Variants in TSC22D3 observed in about 807,000 individuals in gnomAD.
The protein encoded by TSC22D3 is TSC22 domain family member 3.
In TSC22D3, 4 loss-of-function variants were observed where a neutral mutation model predicts 11.1. The observed-to-expected ratio is 0.36, with a 90% CI of 0.18 to 0.83. TSC22D3 has a LOEUF of 0.83. Ranked by LOEUF, TSC22D3 falls within the 40% of genes least tolerant of loss-of-function variation. The pLI is 0.48. For missense variants in TSC22D3, 118 were observed against 159.4 expected (o/e 0.74, Z 1.40); for synonymous variants, 77 against 70.3 (o/e 1.10, Z -0.48).
intron 1 of TSC22D3, among the ~76,000 whole-genome samples, chrX:107,751,694 C>T (rs1928941473): frequency 8.9e-6 from 1 of 112,434 alleles, no homozygotes; most frequent in Non-Finnish European, 1.9e-5. Context: ...AATTCAGCTA[C>T]TGCTCTGCAG....
chrX:107,716,088 GAC>G (rs1240961494), intron 1 of TSC22D3, 138 bp from the exon 2 acceptor site: 65 of 746,337 alleles, frequency 8.7e-5, no homozygotes, highest in Middle Eastern at 4.6e-4. Context: ...CAGAGTTCCG[GAC>G]AGTTTGTCCC....
chrX:107,715,914 CTTG>C lies in TSC22D3; in HGVS notation c.354_356del (p.Asn118del), dbSNP rs1926993108. On this transcript the variant is annotated inframe_deletion, in exon 2 of 3. Coordinates refer to ENST00000372383, the MANE Select transcript of TSC22D3 (RefSeq NM_198057.3). ...TGCCACTCACCATGGCCTGTTCGATCTTGTTGTCTATGGCCACCACGCTGGCTC... is the reference window on the plus strand; with the variant it reads ...TGCCACTCACCATGGCCTGTTCGATCTTGTCTATGGCCACCACGCTGGCTC... 3.3e-6 allele frequency: 4 copies of C among 1,211,426 alleles called. No homozygotes were observed. Among genetic ancestry groups the C allele is most frequent in the African/African-American group, 1.7e-5 (1 of 57,823 alleles).
At chrX:107,769,461 G>A (rs1409895098) in intron 1 of TSC22D3, among the ~76,000 whole-genome samples, 1 of 111,392 alleles carries the variant, frequency 9.0e-6, no homozygotes, top group Non-Finnish European at 1.9e-5. Context: ...GTAGAATAGA[G>A]GTTACCAGGG....
chrX:107,748,915 A>C (rs138958893), intron 1 of TSC22D3, among the ~76,000 whole-genome samples: 1,930 of 111,958 alleles, frequency 0.017, 42 homozygotes, highest in African/African-American at 0.059. Context: ...TACCATCTTA[A>C]TTGGGTAAAG....
intron 1 of TSC22D3, among the ~76,000 whole-genome samples, chrX:107,750,448 A>G (rs1928885604): frequency 9.0e-6 from 1 of 111,290 alleles, no homozygotes; most frequent in African/African-American, 3.3e-5. Flanking sequence ...TCAGAAGCTG[A>G]GCAGAGGAGG....
chrX:107,737,448 G>T (rs1928196406), intron 1 of TSC22D3, among the ~76,000 whole-genome samples: 1 of 111,763 alleles, frequency 8.9e-6, no homozygotes, highest in Admixed American at 9.4e-5. Context: ...TTCCTGCACT[G>T]GGAAGTGTCT....
chrX:107,744,177 C>A (rs1337202148), intron 1 of TSC22D3, among the ~76,000 whole-genome samples: 3 of 112,183 alleles, frequency 2.7e-5, no homozygotes, highest in African/African-American at 6.5e-5. Context: ...GAAGCTGAAG[C>A]CACTGGTACT....
At chrX:107,772,120 G>A (rs1279464754) in intron 1 of TSC22D3, among the ~76,000 whole-genome samples, 1 of 111,779 alleles carries the variant, frequency 8.9e-6, no homozygotes, top group African/African-American at 3.3e-5. Flanking sequence ...AACCAAGAAC[G>A]AAGCTGGGAG....
intron 1 of TSC22D3, among the ~76,000 whole-genome samples, chrX:107,719,326 C>T (rs1160854106): frequency 3.6e-5 from 4 of 112,367 alleles, no homozygotes; most frequent in African/African-American, 1.3e-4. Context: ...AATTTGTCTA[C>T]GGCCATACCA....
At chrX:107,718,103 A>C (rs1421806801) in intron 1 of TSC22D3, among the ~76,000 whole-genome samples, 1 of 112,093 alleles carries the variant, frequency 8.9e-6, no homozygotes, top group Non-Finnish European at 1.9e-5. Context: ...ACCATAAACA[A>C]GATGAGGTGA....
intron 1 of TSC22D3, among the ~76,000 whole-genome samples, chrX:107,728,119 G>A (rs1927728143): frequency 1.8e-5 from 2 of 110,354 alleles, no homozygotes; most frequent in African/African-American, 6.6e-5. Context: ...TTGGACCGGT[G>A]CCTGGCACAC....
intron 1 of TSC22D3, among the ~76,000 whole-genome samples, chrX:107,724,276 G>A (rs757569658): frequency 3.8e-4 from 43 of 112,983 alleles, no homozygotes; most frequent in East Asian, 2.0e-3. Context: ...GAAAGAAAAG[G>A]AGAAACAGGG....
chrX:107,759,064 T>C (rs1303553230), intron 1 of TSC22D3, among the ~76,000 whole-genome samples: 1 of 110,765 alleles, frequency 9.0e-6, no homozygotes, highest in Non-Finnish European at 1.9e-5. Context: ...CATTTTCTTT[T>C]TTAGTAGAGA....
intron 1 of TSC22D3, among the ~76,000 whole-genome samples, chrX:107,735,524 T>A (rs1309985582): frequency 1.8e-5 from 2 of 111,366 alleles, no homozygotes; most frequent in Non-Finnish European, 3.8e-5. Context: ...ATCATGAGTC[T>A]GCTGTAGCAT....
intron 1 of TSC22D3, among the ~76,000 whole-genome samples, chrX:107,773,265 C>T (rs1403691079): frequency 8.9e-6 from 1 of 112,478 alleles, no homozygotes; most frequent in Non-Finnish European, 1.9e-5. Flanking sequence ...GGCTTTTAGC[C>T]TCACACTTCC....
At chrX:107,721,084 A>G (rs139515489) in intron 1 of TSC22D3, among the ~76,000 whole-genome samples, 1,860 of 111,756 alleles carry the variant, frequency 0.017, 36 homozygotes, top group African/African-American at 0.057. Flanking sequence ...CGGCAACAGC[A>G]CCTCACTGAG....
chrX:107,716,008 T>C (rs970645769), intron 1 of TSC22D3, 58 bp from the exon 2 acceptor site: 4 of 1,129,766 alleles, frequency 3.5e-6, no homozygotes, highest in Non-Finnish European at 4.8e-6. Context: ...CTTGAGTACA[T>C]GGCAGTTGTG....
At position 107,713,292 on chromosome X, in the gene TSC22D3, C is replaced by G. The variant is rs1158867832; in HGVS notation, c.*1227G>C. 9.0e-6 allele frequency: 1 copy of G among 111,309 alleles called. No homozygotes were observed. The highest frequency in any genetic ancestry group is 1.9e-5 in the Non-Finnish European group (1 of 53,052). 9.2% of individuals were successfully genotyped at this position (111,309 alleles called of 1,213,427 possible). On this transcript the variant is annotated 3_prime_UTR_variant, in exon 3 of 3. Transcript: ENST00000372383. ...CATTTGGAAAATCAAAATCCAAATC[C>G]TGGAACCATACATCAGGATAAGGTG...
intron 1 of TSC22D3, among the ~76,000 whole-genome samples, chrX:107,719,528 C>G (rs966197451): frequency 2.7e-5 from 3 of 112,257 alleles, no homozygotes; most frequent in Admixed American, 9.4e-5. Context: ...GATGAAGAAA[C>G]CAAGGGTCTG....
Sources: allele counts gnomAD v4.1 joint callset (sites outside exome capture counted in the v4.1 genomes callset), GRCh38; gene constraint gnomAD v4.1.1; transcripts MANE v1.5; gene names NCBI Gene and HGNC (gene_info 2026-07-23, HGNC 2026-07-21).